The following RNPEP variants were observed in gnomAD, a reference collection of about 807,000 sequenced individuals.
The protein encoded by RNPEP is aminopeptidase B.
A neutral mutation model predicts 70.1 loss-of-function variants in RNPEP; 57 were observed. That is an observed-to-expected ratio of 0.81 (90% CI 0.66 to 1.01). The LOEUF is 1.01. RNPEP is among the 50% of genes least tolerant of loss of function. The probability of loss-of-function intolerance (pLI) is 0.00; values close to 1 mark genes in which losing one functional copy is unlikely to be tolerated. For missense variants in RNPEP, 787 were observed against 852.4 expected (o/e 0.92, Z 0.96); for synonymous variants, 335 against 357.4 (o/e 0.94, Z 0.71).
At position 201,982,663 on chromosome 1, in the gene RNPEP, G is replaced by T. The variant is rs773522952; in HGVS notation, c.-4G>T. On this transcript the variant is annotated 5_prime_UTR_variant, in exon 1 of 11. Coordinates refer to ENST00000295640, the MANE Select transcript of RNPEP (RefSeq NM_020216.4). ...CCCGGCCGGTGAGCAACGGCTCTGCGGCCATGGCGAGCGGCGAGCATTCCC... is the reference window on the plus strand; with the variant it reads ...CCCGGCCGGTGAGCAACGGCTCTGCTGCCATGGCGAGCGGCGAGCATTCCC... 2.8e-5 allele frequency: 37 copies of T among 1,343,402 alleles called. No homozygotes were observed. In the South Asian group the frequency reaches 3.5e-4, roughly 13 times the overall value. 83.2% of individuals were successfully genotyped at this position (1,343,402 alleles called of 1,614,324 possible).
intron 1 of RNPEP, 93 bp from the exon 2 acceptor site, chr1:201,988,811 C>T (rs1377944429): frequency 2.7e-6 from 4 of 1,458,518 alleles, no homozygotes; most frequent in Admixed American, 2.2e-5. Context: ...TAAGGATTAC[C>T]TAAAATTCTC....
chr1:201,989,514 G>C lies in RNPEP; in HGVS notation c.720G>C (p.Ser240=), dbSNP rs756040890. 39 of 1,613,934 alleles carry C rather than the reference G, an allele frequency of 2.4e-5. No individual in the cohort carries two copies. The highest frequency in any genetic ancestry group is 3.3e-5 in the Admixed American group (2 of 59,966). Residue 240 remains serine, a synonymous_variant, in exon 3 of 11, where the codon TCG becomes TCC. Coordinates refer to ENST00000295640, the MANE Select transcript of RNPEP (RefSeq NM_020216.4). ...CTTTGGCCATCGGAGATCTGGTTTC[G>C]GCTGAAGTTGGACCCAGGTAGGAGA... ...LIALAIGDLV[S]AEVGPRSRVW... is the part of the protein sequence containing the mutation.
intron 1 of RNPEP, among the ~76,000 whole-genome samples, chr1:201,987,996 C>T (rs1162795105): frequency 6.6e-6 from 1 of 151,320 alleles, no homozygotes; most frequent in African/African-American, 2.4e-5. Context: ...CAAAATTAGT[C>T]GGATGTGGTG....
At chr1:201,999,031 A>C (rs1412313119) in intron 5 of RNPEP, among the ~76,000 whole-genome samples, 1 of 152,076 alleles carries the variant, frequency 6.6e-6, no homozygotes, top group African/African-American at 2.4e-5. Flanking sequence ...GCCTGACCAA[A>C]ATGGTGAAAC....
At chr1:201,999,846 A>C (rs1683716552) in intron 5 of RNPEP, 56 bp from the exon 6 acceptor site, 1 of 1,386,426 alleles carries the variant, frequency 7.2e-7, no homozygotes, top group Non-Finnish European at 1.0e-6. Flanking sequence ...TCAGGAAAAT[A>C]CACTTGGATG....
intron 8 of RNPEP, among the ~76,000 whole-genome samples, chr1:202,002,137 C>T (rs1683844736): frequency 6.6e-6 from 1 of 151,660 alleles, no homozygotes; most frequent in African/African-American, 2.4e-5. Flanking sequence ...CCCAGTGGCC[C>T]TCCTTATTTC....
In RNPEP at chr1:201,991,092, C is replaced by A. The variant is rs554104787; in HGVS notation, c.737+1561C>A. ...TGGACAGTTCTTGCCTCCTGGGTCACATCGTAGGGTCTTGTGGGGGGTTAT... is the reference window on the plus strand; with the variant it reads ...TGGACAGTTCTTGCCTCCTGGGTCAAATCGTAGGGTCTTGTGGGGGGTTAT... On this transcript the variant is annotated intron_variant, in intron 3 of 10. Coordinates refer to ENST00000295640, the MANE Select transcript of RNPEP (RefSeq NM_020216.4). Among the ~76,000 whole-genome samples, 8 of 152,232 alleles carry A rather than the reference C, an allele frequency of 5.3e-5. No homozygotes were observed. In the South Asian group the frequency reaches 1.5e-3, roughly 28 times the overall value.
rs1553303614 is a variant in RNPEP, at chr1:201,988,477, A to AAC, written c.448-426_448-425insCA. On this transcript the variant is annotated intron_variant, in intron 1 of 10. Coordinates refer to ENST00000295640, the MANE Select transcript of RNPEP (RefSeq NM_020216.4). ...TGTCTCAAAAAAAAAAAAAAAAAAA[A>AAC]AAAAAACATATTAATCACTGACTCC... 8.1e-5 allele frequency among the ~76,000 whole-genome samples: 12 copies of AAC among 148,016 alleles called. 1 individual carries two copies. The highest frequency in any genetic ancestry group is 2.0e-4 in the East Asian group (1 of 5,000).
At chr1:202,000,203 A>G in intron 6 of RNPEP, 188 bp downstream of exon 6, 2 of 545,370 alleles carry the variant, frequency 3.7e-6, no homozygotes, top group Admixed American at 3.3e-5. Flanking sequence ...GCAGCCAGAT[A>G]GGAGTTCTGT....
Position 202,004,503 on chromosome 1 carries a change from G to T in RNPEP, c.1794+7G>T, listed in dbSNP as rs1683970305. On this transcript the variant is annotated splice_region_variant and intron_variant, in intron 10 of 10. Coordinates refer to ENST00000295640, the MANE Select transcript of RNPEP (RefSeq NM_020216.4). The stretch of plus-strand genomic sequence containing the variant: ...GGAGTTCCTGCATAACCAGGTGGGT[G>T]ACCCCTGCCTCGCTGTTCCCGAAAG... The T allele has an allele frequency of 8.7e-6, 14 of 1,612,906 alleles. No individual in the cohort carries two copies. The highest frequency in any genetic ancestry group is 1.2e-5 in the Non-Finnish European group (14 of 1,179,934).
In RNPEP at chr1:201,989,575, A is replaced by C. The variant is rs554010369; in HGVS notation, c.737+44A>C. On this transcript the variant is annotated intron_variant, in intron 3 of 10. Transcript: ENST00000295640. ...ACAGGCAAGGTTGGATTGGCCTCAG[A>C]GGTGAGGAGGACTCTGACCAGTGGA... The C allele has an allele frequency of 1.3e-4, 210 of 1,610,050 alleles. 3 individuals are homozygous for C. The Middle Eastern group carries it at 3.9e-3, about 30-fold the overall frequency.
At chr1:201,984,813 A>ATTTC in intron 1 of RNPEP, among the ~76,000 whole-genome samples, 1 of 84,390 alleles carries the variant, frequency 1.2e-5, no homozygotes, top group Non-Finnish European at 2.3e-5. Flanking sequence ...TAACTTTTGT[A>ATTTC]TTTCTTTCTT....
At chr1:201,988,169 T>C (rs1463136097) in intron 1 of RNPEP, among the ~76,000 whole-genome samples, 1 of 140,644 alleles carries the variant, frequency 7.1e-6, no homozygotes, top group Non-Finnish European at 1.5e-5. Context: ...GAAAAGAGAA[T>C]GTATATTAGG....
intron 8 of RNPEP, among the ~76,000 whole-genome samples, chr1:202,002,794 A>T (rs556740242): frequency 2.6e-5 from 4 of 152,358 alleles, no homozygotes; most frequent in Non-Finnish European, 5.9e-5. Flanking sequence ...TCACGGAGGC[A>T]GGGCCTATCA....
At chr1:201,989,145 C>A in intron 2 of RNPEP, 101 bp downstream of exon 2, 2 of 1,442,206 alleles carry the variant, frequency 1.4e-6, no homozygotes, top group South Asian at 1.4e-5. Flanking sequence ...TATATCCATT[C>A]AGTGGTACTT....
rs748270091 is a variant in RNPEP at position 202,003,223 on chromosome 1, C to G, written c.1427-14C>G. 1.9e-6 allele frequency: 3 copies of G among 1,598,634 alleles called. No individual in the cohort carries two copies. Among genetic ancestry groups the G allele is most frequent in the South Asian group, 1.1e-5 (1 of 90,254 alleles). On this transcript the variant is annotated splice_polypyrimidine_tract_variant and intron_variant, in intron 8 of 10. Transcript: ENST00000295640. ...CCAGAGAATTCTGATAGTGTCTTCT[C>G]TCCTCCCAAACAGGTTTTGAGTTTG...
intron 3 of RNPEP, among the ~76,000 whole-genome samples, chr1:201,991,675 C>T (rs186515647): frequency 1.8e-4 from 27 of 152,282 alleles, no homozygotes; most frequent in Middle Eastern, 6.8e-3. Flanking sequence ...TCAGGTATTT[C>T]CATTGCAAAT....
At chr1:201,994,607 C>T (rs1035916460) in intron 3 of RNPEP, among the ~76,000 whole-genome samples, 2 of 151,868 alleles carry the variant, frequency 1.3e-5, no homozygotes, top group South Asian at 2.1e-4. Context: ...TATGCTTCAG[C>T]AAACGCAGAG....
At chr1:202,005,003 G>T (rs534777855) in intron 10 of RNPEP, among the ~76,000 whole-genome samples, 1 of 152,186 alleles carries the variant, frequency 6.6e-6, no homozygotes, top group South Asian at 2.1e-4. Context: ...GGGCTGGACC[G>T]GAGACGAAGC....
Sources: allele counts gnomAD v4.1 joint callset (sites outside exome capture counted in the v4.1 genomes callset), GRCh38; gene constraint gnomAD v4.1.1; transcripts MANE v1.5; gene names NCBI Gene and HGNC (gene_info 2026-07-23, HGNC 2026-07-21).